Variants in FAM227A observed in about 807,000 individuals in gnomAD.
FAM227A encodes the protein family with sequence similarity 227 member A.
FAM227A carries 80 observed loss-of-function variants against 74.7 expected under a neutral mutation model. That is an observed-to-expected ratio of 1.07 (90% CI 0.89 to 1.29). FAM227A has a LOEUF of 1.29. Among genes scored for constraint, FAM227A ranks in the 50% most tolerant of loss-of-function variants. The pLI, the probability that FAM227A is intolerant of heterozygous loss-of-function variation, is 0.00. For synonymous variants in FAM227A, 237 were observed against 241.8 expected (o/e 0.98, Z 0.19); for missense variants, 654 against 683.4 (o/e 0.96, Z 0.48).
intron 12 of FAM227A, among the ~76,000 whole-genome samples, chr22:38,606,796 CTTAAAT>C (rs1458705259): frequency 6.6e-6 from 1 of 152,160 alleles, no homozygotes; most frequent in Non-Finnish European, 1.5e-5. Context: ...GTCATCATGT[CTTAAAT>C]TTATTTTCTT....
In FAM227A at chr22:38,581,747, T is replaced by TTG. The variant is rs1236570618; in HGVS notation, c.*4377_*4378insCA. 1 of 151,388 alleles carries TTG rather than the reference T, an allele frequency of 6.6e-6. No homozygotes were observed. Among genetic ancestry groups the TTG allele is most frequent in the East Asian group, 1.9e-4 (1 of 5,166 alleles). The allele number at this position is 151,388 out of a possible 1,614,324, so 9.4% of individuals were successfully genotyped here. On this transcript the variant is annotated 3_prime_UTR_variant, in exon 17 of 17. Transcript: ENST00000535113. ...AGCCACCGCACCTGGCTCAGGTTTT[T>TTG]TTTTTTTTTTTTCCCAGACACAGTC...
In FAM227A at chr22:38,605,284, T is replaced by G. The variant is rs1255478350; in HGVS notation, c.1191A>C (p.Ala397=). ...TAGGAAACATATTCTCACATTCTCT[T>G]GCTTCTGATATCCTCTTGACTTCTT... is the stretch of plus-strand genomic sequence containing the variant. The part of the protein sequence containing the change: ...PTQEVKRISE[A]RECENMFPKK... The change falls in exon 13 of 17, where the codon GCA becomes GCC. Residue 397 remains alanine, a synonymous_variant. Coordinates refer to ENST00000535113, the MANE Select transcript of FAM227A (RefSeq NM_001013647.2). 5 of 1,550,378 alleles carry G rather than the reference T, an allele frequency of 3.2e-6. No individual in the cohort carries two copies. Among genetic ancestry groups the G allele is most frequent in the African/African-American group, 2.7e-5 (2 of 73,006 alleles).
chr22:38,627,642 T>C (rs2091836900), intron 8 of FAM227A, among the ~76,000 whole-genome samples: 2 of 152,096 alleles, frequency 1.3e-5, no homozygotes, highest in Admixed American at 6.5e-5. Flanking sequence ...TCTCACTCTG[T>C]TGCCCAGGCT....
At chr22:38,630,385 G>A (rs887238447) in intron 6 of FAM227A, among the ~76,000 whole-genome samples, 29 of 152,220 alleles carry the variant, frequency 1.9e-4, no homozygotes, top group African/African-American at 6.8e-4. Flanking sequence ...GAGTGATTAA[G>A]AGCACAGACT....
chr22:38,626,728 G>A (rs985837158), intron 8 of FAM227A, among the ~76,000 whole-genome samples: 1 of 150,678 alleles, frequency 6.6e-6, no homozygotes, highest in Non-Finnish European at 1.5e-5. Flanking sequence ...AAAAAAAATA[G>A]CTGGGTGTGG....
chr22:38,586,543 CTCTG>C (rs1291270022), intron 16 of FAM227A, among the ~76,000 whole-genome samples: 1 of 152,220 alleles, frequency 6.6e-6, no homozygotes, highest in Non-Finnish European at 1.5e-5. Flanking sequence ...TGTTTTCTAA[CTCTG>C]TCTATCTGCT....
At chr22:38,653,993 T>C (rs980323662) in intron 1 of FAM227A, 5 of 152,142 alleles carry the variant, frequency 3.3e-5, no homozygotes, top group Admixed American at 2.6e-4. Context: ...GATGACATAA[T>C]AGTGTGTTTT....
At chr22:38,640,591 A>G (rs1315103599) in intron 3 of FAM227A, among the ~76,000 whole-genome samples, 5 of 152,196 alleles carry the variant, frequency 3.3e-5, no homozygotes, top group Non-Finnish European at 5.9e-5. Context: ...GAGCTTGGAT[A>G]ACAAAGTTAA....
chr22:38,646,425 A>G (rs2092241370), intron 2 of FAM227A, among the ~76,000 whole-genome samples: 2 of 125,660 alleles, frequency 1.6e-5, no homozygotes, highest in Non-Finnish European at 3.5e-5. Flanking sequence ...ACGCCCGGCT[A>G]ATTTTTTTTT....
chr22:38,613,111 ATAT>A (rs2091460344), intron 11 of FAM227A, among the ~76,000 whole-genome samples: 1 of 94,430 alleles, frequency 1.1e-5, no homozygotes, highest in African/African-American at 4.6e-5. Context: ...ATAATTATAT[ATAT>A]ATTATATATA....
intron 13 of FAM227A, among the ~76,000 whole-genome samples, chr22:38,601,856 A>G (rs1262241879): frequency 6.6e-6 from 1 of 152,102 alleles, no homozygotes; most frequent in Admixed American, 6.5e-5. Flanking sequence ...GGGGAGGAAC[A>G]GGCTGGGGCG....
intron 11 of FAM227A, among the ~76,000 whole-genome samples, chr22:38,615,989 A>G (rs1459982281): frequency 6.6e-6 from 1 of 152,150 alleles, no homozygotes; most frequent in East Asian, 1.9e-4. Flanking sequence ...GGGAGAGGCC[A>G]GGGCGAAGGT....
intron 11 of FAM227A, among the ~76,000 whole-genome samples, chr22:38,618,098 C>A (rs1266023999): frequency 1.3e-5 from 2 of 152,126 alleles, no homozygotes; most frequent in Admixed American, 6.5e-5. Context: ...GAAAGCTGAC[C>A]CTGAGGATGA....
intron 6 of FAM227A, among the ~76,000 whole-genome samples, chr22:38,635,989 CA>C: frequency 8.3e-6 from 1 of 121,132 alleles, no homozygotes; most frequent in South Asian, 2.8e-4. Flanking sequence ...GACCCTGTCT[CA>C]AAAAAGTAAG....
intron 13 of FAM227A, among the ~76,000 whole-genome samples, chr22:38,600,781 GTC>G (rs1310137218): frequency 6.6e-6 from 1 of 151,502 alleles, no homozygotes; most frequent in East Asian, 2.0e-4. Context: ...GTAAAACCCT[GTC>G]TCTACTAAAA....
In FAM227A at chr22:38,626,796, C is replaced by T. The variant is rs138846403; in HGVS notation, c.727-493G>A. The stretch of plus-strand genomic sequence containing the variant: ...GGCTGAGGCAGGAGAAGCACTTGAA[C>T]CAGGAGGACAGAGGTTGCAGTGAGC... On this transcript the variant is annotated intron_variant, in intron 8 of 16. Transcript: ENST00000535113. Among the ~76,000 whole-genome samples the T allele has an allele frequency of 5.0e-3, 668 of 134,408 alleles. 6 individuals carry two copies. The highest frequency in any genetic ancestry group is 0.018 in the African/African-American group (636 of 34,436). The allele number at this position is 134,408 out of a possible 152,430, so 88.2% of individuals were successfully genotyped here. A position where few individuals can be genotyped will look rare whatever the true frequency, so the allele number is the denominator to read the frequency against.
rs1415347984 is a variant in FAM227A, at chr22:38,628,921, A to G, written c.534T>C (p.Gly178=). ...DCLSGKHFCS[G]RELEKFLSSS... is the part of the protein sequence containing the mutation. ...AAGAGAGAAACTTCTCTAATTCTCT[A>G]CCTGAACAGAAATGCTTGGAAAAAA... Residue 178 remains glycine, a synonymous_variant, in exon 7 of 17, where the codon GGT becomes GGC. Coordinates refer to ENST00000535113, the MANE Select transcript of FAM227A (RefSeq NM_001013647.2). The G allele has an allele frequency of 7.2e-6, 11 of 1,529,106 alleles. No individual in the cohort carries two copies. The highest frequency in any genetic ancestry group is 3.4e-4 in the Middle Eastern group (2 of 5,938). The allele number at this position is 1,529,106 out of a possible 1,614,324, so 94.7% of individuals were successfully genotyped here. A position where few individuals can be genotyped will look rare whatever the true frequency, so the allele number is the denominator to read the frequency against.
intron 10 of FAM227A, among the ~76,000 whole-genome samples, chr22:38,621,084 C>T (rs1305859455): frequency 3.3e-5 from 5 of 151,812 alleles, no homozygotes; most frequent in Admixed American, 3.3e-4. Context: ...CGCCTATAAT[C>T]CCAGCACTTT....
At chr22:38,607,512 G>A in intron 11 of FAM227A, 36 bp from the exon 12 acceptor site, 2 of 1,356,466 alleles carry the variant, frequency 1.5e-6, no homozygotes, top group Non-Finnish European at 2.1e-6. Context: ...GAGGGAGAAA[G>A]CGAGAGAGAG....
Sources: allele counts gnomAD v4.1 joint callset (sites outside exome capture counted in the v4.1 genomes callset), GRCh38; gene constraint gnomAD v4.1.1; transcripts MANE v1.5; gene names NCBI Gene and HGNC (gene_info 2026-07-23, HGNC 2026-07-21).